The following ANGPTL6 variants were observed in gnomAD, a reference collection of about 807,000 sequenced individuals.
ANGPTL6 encodes angiopoietin like 6.
ANGPTL6 carries 45 observed loss-of-function variants against 47.4 expected under a neutral mutation model. The ratio of observed to expected loss-of-function variants is 0.95; its 90% confidence interval spans 0.75 to 1.22. ANGPTL6 has a LOEUF of 1.22. ANGPTL6 is among the 50% of genes most tolerant of loss of function. The pLI, the probability that ANGPTL6 is intolerant of heterozygous loss-of-function variation, is 0.00. For missense variants in ANGPTL6, 698 were observed against 669.4 expected, an observed-to-expected ratio of 1.04 and a Z score of -0.47; for synonymous variants, 290 against 295.9, an observed-to-expected ratio of 0.98 and a Z score of 0.20.
Position 10,092,556 on chromosome 19 carries a change from C to T in ANGPTL6, c.*33G>A, listed in dbSNP as rs762956787. 1.3e-6 allele frequency: 2 copies of T among 1,574,836 alleles called. No individual in the cohort carries two copies. The highest frequency in any genetic ancestry group is 1.7e-6 in the Non-Finnish European group (2 of 1,156,432). ...AACTTGGGCTCCTGCTGACCAATGT[C>T]CTCTAGGGCCTAGGGGACAGAGGAA... On this transcript the variant is annotated 3_prime_UTR_variant, in exon 6 of 6. Transcript: ENST00000253109.
At chr19:10,105,341 G>A (rs1488293152), upstream of ANGPTL6, among the ~76,000 whole-genome samples, 1 of 152,172 alleles carries the variant, frequency 6.6e-6, no homozygotes, top group East Asian at 1.9e-4. Context: ...AATACAGAGA[G>A]TCAGACAGAT....
intron 1 of ANGPTL6, among the ~76,000 whole-genome samples, chr19:10,102,115 CA>C (rs111902676): frequency 0.021 from 933 of 43,726 alleles, 3 homozygotes; most frequent in African/African-American, 0.067. Flanking sequence ...GACTCTGTCT[CA>C]AAAAAAAAAA....
chr19:10,099,690 C>G (rs2088633887), intron 1 of ANGPTL6, among the ~76,000 whole-genome samples: 1 of 151,728 alleles, frequency 6.6e-6, no homozygotes, highest in Non-Finnish European at 1.5e-5. Context: ...TTTGTACCTG[C>G]TGTTTTTGCA....
At position 10,094,804 on chromosome 19, in the gene ANGPTL6, A is replaced by G. The variant is rs983089948; in HGVS notation, c.717T>C (p.Ala239=). Residue 239 remains alanine (A), a synonymous_variant, in exon 3 of 6, where the codon GCT becomes GCC. Transcript: ENST00000253109. Reference sequence around the variant, plus strand: ...CAGGGTGACCTGCAGGCATGGGAGAAGCCATGGGCTCCTGCTGTCTCTGGG... The same window carrying G: ...CAGGGTGACCTGCAGGCATGGGAGAGGCCATGGGCTCCTGCTGTCTCTGGG... ...DQTQRQQEPM[A]SPMPAGHPAV... 1.9e-6 allele frequency: 3 copies of G among 1,614,080 alleles called. No homozygotes were observed. Among genetic ancestry groups the G allele is most frequent in the African/African-American group, 2.7e-5 (2 of 74,936 alleles).
At position 10,096,304 on chromosome 19, in the gene ANGPTL6, C is replaced by G; in HGVS notation, c.260G>C (p.Gly87Ala). Residue 87 changes from glycine (G) to alanine (A), a missense_variant, in exon 2 of 6, where the codon GGC becomes GCC. Transcript: ENST00000253109. Reference sequence around the variant, plus strand: ...CGCGCGCACCTCGCCGGCCACGGCGCCGTCGGCCGCCGCCAGCCTCTGCAG... The same window carrying G: ...CGCGCGCACCTCGCCGGCCACGGCGGCGTCGGCCGCCGCCAGCCTCTGCAG... Reference protein sequence around the residue: ...RELQRLAAADGAVAGEVRALR... With the variant: ...RELQRLAAADAAVAGEVRALR... 1 of 1,237,066 alleles carries G rather than the reference C, an allele frequency of 8.1e-7. No homozygotes were observed. Among genetic ancestry groups the G allele is most frequent in the Non-Finnish European group, 1.0e-6 (1 of 992,384 alleles). 76.6% of individuals were successfully genotyped at this position (1,237,066 alleles called of 1,614,324 possible).
At chr19:10,093,165 T>A (rs2088436651) in intron 5 of ANGPTL6, 184 bp downstream of exon 5, 1 of 789,778 alleles carries the variant, frequency 1.3e-6, no homozygotes, top group Non-Finnish European at 2.0e-6. Flanking sequence ...AGAGAAGGAA[T>A]CTGGACTCCC....
At chr19:10,097,302 A>G (rs989246963) in intron 1 of ANGPTL6, among the ~76,000 whole-genome samples, 6 of 151,842 alleles carry the variant, frequency 4.0e-5, no homozygotes, top group Admixed American at 3.9e-4. Flanking sequence ...AGATCGCCTG[A>G]GCCCAGCAGT....
rs562550826 is a variant in ANGPTL6 at position 10,101,578 on chromosome 19, C to T, written c.-11+990G>A. ...ATCCCAGCACTTTGGGAGGCCGAGG[C>T]GGGAGGATCACCTGAGGTCGAGAGT... On this transcript the variant is annotated intron_variant, in intron 1 of 5. Transcript: ENST00000253109. Among the ~76,000 whole-genome samples the T allele has an allele frequency of 1.2e-4, 18 of 150,772 alleles. No homozygotes were observed. In the East Asian group the frequency reaches 2.6e-3, roughly 21 times the overall value.
upstream of ANGPTL6, among the ~76,000 whole-genome samples, chr19:10,105,801 C>T (rs1286810720): frequency 1.3e-5 from 2 of 152,046 alleles, no homozygotes; most frequent in East Asian, 1.9e-4. Flanking sequence ...AGGCTTTGAG[C>T]GGAAAGAAGG....
At chr19:10,103,667 TAAAA>T (rs1308819584), upstream of ANGPTL6, among the ~76,000 whole-genome samples, 1 of 150,540 alleles carries the variant, frequency 6.6e-6, no homozygotes, top group Admixed American at 6.6e-5. Context: ...TTAATTAAAA[TAAAA>T]AATAAATATA....
upstream of ANGPTL6, among the ~76,000 whole-genome samples, chr19:10,103,829 T>C (rs971310303): frequency 1.3e-5 from 2 of 150,838 alleles, 1 homozygote; most frequent in Non-Finnish European, 3.0e-5. Flanking sequence ...GCGCGGTGGC[T>C]CACGCCTGTA....
At position 10,099,262 on chromosome 19, in the gene ANGPTL6, A is replaced by G. The variant is rs566595332; in HGVS notation, c.-10-2689T>C. Among the ~76,000 whole-genome samples the G allele has an allele frequency of 1.5e-3, 224 of 152,128 alleles. 9 individuals carry two copies. In the South Asian group the frequency reaches 0.045, roughly 31 times the overall value. On this transcript the variant is annotated intron_variant, in intron 1 of 5. Transcript: ENST00000253109. The stretch of plus-strand genomic sequence containing the variant: ...TTGGCTCCCACCTCCTTTAGAGGAA[A>G]AGCCCAAATCCACCCATGATCCATA...
chr19:10,101,024 C>T (rs146275064), intron 1 of ANGPTL6, among the ~76,000 whole-genome samples: 134 of 151,334 alleles, frequency 8.9e-4, no homozygotes, highest in Non-Finnish European at 1.6e-3. Context: ...GCTTGGCTAA[C>T]GTGGCGAAAC....
intron 1 of ANGPTL6, among the ~76,000 whole-genome samples, chr19:10,097,488 A>T (rs929606369): frequency 6.6e-6 from 1 of 152,122 alleles, no homozygotes; most frequent in East Asian, 1.9e-4. Flanking sequence ...TCCCTCCCCT[A>T]GTGGGCAAAA....
At chr19:10,104,268 A>C (rs371344101), upstream of ANGPTL6, among the ~76,000 whole-genome samples, 8 of 148,934 alleles carry the variant, frequency 5.4e-5, no homozygotes, top group African/African-American at 1.7e-4. Context: ...TCATATGTAC[A>C]GTGATAGCTA....
chr19:10,093,814 C>T lies in ANGPTL6; in HGVS notation c.830G>A (p.Arg277Gln), dbSNP rs151089977. The T allele has an allele frequency of 1.5e-4, 244 of 1,613,772 alleles. 2 individuals are homozygous for T. The South Asian group carries it at 2.4e-3, about 16-fold the overall frequency. Reference protein sequence around the residue: ...GHEQSGVYELRVGRHVVSVWC... With the variant: ...GHEQSGVYELQVGRHVVSVWC... ...TACTGACACTACGTGACGGCCCACT[C>T]GCAGTTCATACACTCCACTCTGTTC... The change falls in exon 4 of 6, where the codon CGA becomes CAA. Residue 277 changes from arginine to glutamine, a missense_variant. Transcript: ENST00000253109.
intron 1 of ANGPTL6, among the ~76,000 whole-genome samples, chr19:10,100,458 A>T (rs1410998127): frequency 6.6e-6 from 1 of 151,972 alleles, no homozygotes; most frequent in African/African-American, 2.4e-5. Context: ...CTAGTCTCAA[A>T]CTCCCAGGCT....
intron 1 of ANGPTL6, 160 bp downstream of exon 1, chr19:10,102,408 A>G (rs2088703689): frequency 5.9e-6 from 1 of 169,588 alleles, no homozygotes; most frequent in Non-Finnish European, 1.1e-5. Context: ...CACAACAGAG[A>G]TTGAGCAACC....
At chr19:10,094,548 G>T in intron 3 of ANGPTL6, 1 of 641,266 alleles carries the variant, frequency 1.6e-6, no homozygotes, top group Non-Finnish European at 2.7e-6. Context: ...CAAAGTAGCA[G>T]TCCCAAACAT....
Sources: allele counts gnomAD v4.1 joint callset (sites outside exome capture counted in the v4.1 genomes callset), GRCh38; gene constraint gnomAD v4.1.1; transcripts MANE v1.5; gene names NCBI Gene and HGNC (gene_info 2026-07-23, HGNC 2026-07-21).